The following PTPRD variants were observed in gnomAD, a reference collection of about 807,000 sequenced individuals.
PTPRD encodes the protein receptor-type tyrosine-protein phosphatase delta.
In PTPRD, 34 loss-of-function variants were observed where a neutral mutation model predicts 214.5. That is an observed-to-expected ratio of 0.16 (90% CI 0.12 to 0.21). PTPRD has a LOEUF of 0.21. Ranked by LOEUF, PTPRD falls within the 10% of genes least tolerant of loss-of-function variation. The pLI is 1.00. For synonymous variants in PTPRD, 1,128 were observed against 845.7 expected, an observed-to-expected ratio of 1.33 and a Z score of -5.79; for missense variants, 2,545 against 2,398.7, an observed-to-expected ratio of 1.06 and a Z score of -1.27.
intron 2 of PTPRD, among the ~76,000 whole-genome samples, chr9:10,549,701 G>T (rs2060899431): frequency 6.6e-6 from 1 of 152,048 alleles, no homozygotes; most frequent in Non-Finnish European, 1.5e-5. Context: ...TAAATCCTTA[G>T]CTCTAGGAAA....
chr9:9,665,787 C>T (rs186217607), intron 7 of PTPRD, among the ~76,000 whole-genome samples: 1 of 151,884 alleles, frequency 6.6e-6, no homozygotes, highest in African/African-American at 2.4e-5. Context: ...CGTAACACTC[C>T]CTTCACAGTA....
chr9:8,999,873 T>C (rs1018462282), intron 11 of PTPRD, among the ~76,000 whole-genome samples: 1 of 151,988 alleles, frequency 6.6e-6, no homozygotes, highest in African/African-American at 2.4e-5. Context: ...GGATGGGGTG[T>C]TGACAGATAA....
At chr9:9,733,481 G>T (rs968447963) in intron 7 of PTPRD, among the ~76,000 whole-genome samples, 1 of 152,116 alleles carries the variant, frequency 6.6e-6, no homozygotes, top group Non-Finnish European at 1.5e-5. Context: ...GGTGGGAAGT[G>T]TGAACTTGAA....
chr9:10,519,518 T>A (rs963670456), intron 2 of PTPRD, among the ~76,000 whole-genome samples: 4 of 152,134 alleles, frequency 2.6e-5, no homozygotes, highest in African/African-American at 4.8e-5. Flanking sequence ...ACTCCATTTT[T>A]AAATAACTTC....
chr9:10,316,683 C>T (rs1385410331), intron 3 of PTPRD, among the ~76,000 whole-genome samples: 1 of 151,862 alleles, frequency 6.6e-6, no homozygotes. Context: ...CCTTTTCTGA[C>T]ATATCCATAC....
At chr9:9,394,339 G>A (rs144651257) in intron 9 of PTPRD, among the ~76,000 whole-genome samples, 5 of 152,220 alleles carry the variant, frequency 3.3e-5, no homozygotes, top group East Asian at 1.9e-4. Context: ...ATATTTTATT[G>A]CCTTTAGTGC....
intron 9 of PTPRD, among the ~76,000 whole-genome samples, chr9:9,329,018 T>G (rs565721046): frequency 6.6e-6 from 1 of 152,174 alleles, no homozygotes; most frequent in Non-Finnish European, 1.5e-5. Context: ...AGAACACTTT[T>G]TTTCTTTCTT....
chr9:9,346,322 A>G (rs2048784027), intron 9 of PTPRD, among the ~76,000 whole-genome samples: 1 of 152,194 alleles, frequency 6.6e-6, no homozygotes, highest in Non-Finnish European at 1.5e-5. Context: ...GAGGGTCAAT[A>G]TTCATGTGAC....
At chr9:10,519,701 G>C (rs1352248068) in intron 2 of PTPRD, among the ~76,000 whole-genome samples, 1 of 151,864 alleles carries the variant, frequency 6.6e-6, no homozygotes, top group Non-Finnish European at 1.5e-5. Context: ...GTCACATTTT[G>C]GTAATTCTCT....
chr9:9,049,438 T>C (rs368205257), intron 10 of PTPRD, among the ~76,000 whole-genome samples: 1 of 152,160 alleles, frequency 6.6e-6, no homozygotes, highest in Non-Finnish European at 1.5e-5. Flanking sequence ...TAAATATAAA[T>C]ATTTGTCTTT....
intron 5 of PTPRD, among the ~76,000 whole-genome samples, chr9:9,776,844 G>T (rs1245593574): frequency 2.6e-5 from 4 of 152,024 alleles, no homozygotes; most frequent in Admixed American, 6.5e-5. Flanking sequence ...TAGCACACCA[G>T]ACAGCAAAGC....
intron 11 of PTPRD, among the ~76,000 whole-genome samples, chr9:8,830,233 A>T (rs748609506): frequency 1.6e-4 from 24 of 152,136 alleles, no homozygotes; most frequent in Non-Finnish European, 2.8e-4. Flanking sequence ...TGAGGTATTA[A>T]CTCAAGCACT....
At chr9:9,997,907 T>C (rs1170137119) in intron 4 of PTPRD, among the ~76,000 whole-genome samples, 2 of 151,658 alleles carry the variant, frequency 1.3e-5, no homozygotes, top group Non-Finnish European at 2.9e-5. Context: ...TTTGCATATT[T>C]AAAAGGCTAG....
At chr9:9,562,333 A>C (rs1484668725) in intron 8 of PTPRD, among the ~76,000 whole-genome samples, 1 of 152,246 alleles carries the variant, frequency 6.6e-6, no homozygotes, top group African/African-American at 2.4e-5. Flanking sequence ...CTCTGCCACT[A>C]TTCTGGATGA....
intron 9 of PTPRD, among the ~76,000 whole-genome samples, chr9:9,299,667 T>G (rs2134629764): frequency 6.6e-6 from 1 of 151,884 alleles, no homozygotes. Flanking sequence ...ATCAGTGACT[T>G]GTGCCCAAAG....
At chr9:10,414,797 T>C (rs2098471385) in intron 2 of PTPRD, among the ~76,000 whole-genome samples, 1 of 151,828 alleles carries the variant, frequency 6.6e-6, no homozygotes, top group Non-Finnish European at 1.5e-5. Context: ...GAAACATGGA[T>C]GGAACGGAAT....
chr9:9,962,618 A>G (rs1289635638), intron 4 of PTPRD, among the ~76,000 whole-genome samples: 1 of 152,108 alleles, frequency 6.6e-6, no homozygotes, highest in East Asian at 1.9e-4. Context: ...GTTGTCTAAA[A>G]GTTACGATTA....
At chr9:9,523,585 C>T (rs932648258) in intron 8 of PTPRD, among the ~76,000 whole-genome samples, 7 of 152,144 alleles carry the variant, frequency 4.6e-5, no homozygotes, top group African/African-American at 9.7e-5. Flanking sequence ...AGAAGTCTGG[C>T]TTCTGCTTTC....
At position 9,591,266 on chromosome 9, in the gene PTPRD, G is replaced by T. The variant is rs2092700831; in HGVS notation, c.-286-16485C>A. ...CGGTGGGAGGACATATGGAAGGCATGAAAGGGAATGCAGGCAGCCTCGGGG... is the reference window on the plus strand; with the variant it reads ...CGGTGGGAGGACATATGGAAGGCATTAAAGGGAATGCAGGCAGCCTCGGGG... On this transcript the variant is annotated intron_variant, in intron 7 of 45. Coordinates refer to ENST00000381196, the MANE Select transcript of PTPRD (RefSeq NM_002839.4). Among the ~76,000 whole-genome samples, 3 of 152,096 alleles carry T rather than the reference G, an allele frequency of 2.0e-5. No individual in the cohort carries two copies. The East Asian group carries it at 5.8e-4, about 30-fold the overall frequency.
Sources: allele counts gnomAD v4.1 joint callset (sites outside exome capture counted in the v4.1 genomes callset), GRCh38; gene constraint gnomAD v4.1.1; transcripts MANE v1.5; gene names NCBI Gene and HGNC (gene_info 2026-07-23, HGNC 2026-07-21).